The following ZNF697 variants were observed in gnomAD, a reference collection of about 807,000 sequenced individuals.
ZNF697 encodes the protein zinc finger protein 697.
A neutral mutation model predicts 32.4 loss-of-function variants in ZNF697; 23 were observed. That is an observed-to-expected ratio of 0.71 (90% confidence interval 0.51 to 1.01). The LOEUF (loss-of-function observed/expected upper bound fraction) is 1.01. ZNF697 is among the 50% of genes least tolerant of loss of function. The probability of loss-of-function intolerance (pLI) is 0.00; values close to 1 mark genes in which losing one functional copy is unlikely to be tolerated. For synonymous variants in ZNF697, 418 were observed against 337.2 expected (o/e 1.24, Z -2.62); for missense variants, 930 against 794.0 (o/e 1.17, Z -2.06).
In ZNF697 at chr1:119,619,718, CTT is replaced by C. The variant is rs1228219575; in HGVS notation, c.*2985_*2986del. On this transcript the variant is annotated 3_prime_UTR_variant, in exon 3 of 3. Coordinates refer to ENST00000421812, the MANE Select transcript of ZNF697 (RefSeq NM_001080470.2). ...GTATTTTTTCACATATGTACAGTCT[CTT>C]GATTGTAAAGAGACCACATGGCTCA... is the stretch of plus-strand genomic sequence containing the variant. 1 of 152,644 alleles carries C rather than the reference CTT, an allele frequency of 6.6e-6. No homozygotes were observed. The highest frequency in any genetic ancestry group is 1.5e-5 in the Non-Finnish European group (1 of 68,040). 9.5% of individuals were successfully genotyped at this position (152,644 alleles called of 1,614,324 possible).
Position 119,641,829 on chromosome 1 carries a change from G to A in ZNF697, c.-38+5862C>T, listed in dbSNP as rs368512725. The stretch of plus-strand genomic sequence containing the variant: ...GAAGGACATGTTTGCTTCACCTTCT[G>A]CCATGATTGTAAGTTTCCCAAGGCC... On this transcript the variant is annotated intron_variant, in intron 1 of 2. Coordinates refer to ENST00000421812, the MANE Select transcript of ZNF697 (RefSeq NM_001080470.2). 1.4e-4 allele frequency among the ~76,000 whole-genome samples: 22 copies of A among 152,264 alleles called. 1 individual carries two copies. In the South Asian group the frequency reaches 4.4e-3, roughly 30 times the overall value.
Position 119,621,811 on chromosome 1 carries a change from G to T in ZNF697, c.*894C>A, listed in dbSNP as rs925839895. 2.6e-5 allele frequency: 4 copies of T among 152,320 alleles called. No homozygotes were observed. The highest frequency in any genetic ancestry group is 2.6e-4 in the Admixed American group (4 of 15,302). 9.4% of individuals were successfully genotyped at this position (152,320 alleles called of 1,614,324 possible). On this transcript the variant is annotated 3_prime_UTR_variant, in exon 3 of 3. Coordinates refer to ENST00000421812, the MANE Select transcript of ZNF697 (RefSeq NM_001080470.2). ...GTTCACTTGAAACACCTACATCAAG[G>T]TGAGGTGGGAAAAGGAAAGTCACAC...
rs781398362 is a variant in ZNF697 at position 119,625,883 on chromosome 1, A to T, written c.218T>A (p.Ile73Asn). The T allele has an allele frequency of 1.9e-6, 3 of 1,613,580 alleles. No individual in the cohort carries two copies. The South Asian group carries it at 3.3e-5, about 18-fold the overall frequency. Residue 73 changes from isoleucine (I) to asparagine (N), a missense_variant, in exon 2 of 3, where the codon ATC becomes AAC. Transcript: ENST00000421812. ...DSRHREAVPDICTEGQLSEEE... is the reference protein window; with the variant it reads ...DSRHREAVPDNCTEGQLSEEE... ...CCCAGCTTTCTCCTCACCTGTGCAG[A>T]TGTCGGGCACTGCTTCCCTGTGCCT...
Position 119,623,980 on chromosome 1 carries a change from G to A in ZNF697, c.363C>T (p.Asp121=), listed in dbSNP as rs769097964. 3.1e-6 allele frequency: 5 copies of A among 1,610,782 alleles called. No homozygotes were observed. The highest frequency in any genetic ancestry group is 2.2e-5 in the East Asian group (1 of 44,770). The change falls in exon 3 of 3, where the codon GAC becomes GAT. Residue 121 remains aspartate (D), a synonymous_variant. Transcript: ENST00000421812. ...CCAGCCGGTTCTCCCCAGCACTCTCGTCGTCGTCCTCCCGGAGGCTCCGGG... is the reference window on the plus strand; with the variant it reads ...CCAGCCGGTTCTCCCCAGCACTCTCATCGTCGTCCTCCCGGAGGCTCCGGG... ...SISRSLREDD[D]ESAGENRLEE...
intron 1 of ZNF697, among the ~76,000 whole-genome samples, chr1:119,631,298 A>G (rs373264018): frequency 7.9e-5 from 12 of 152,190 alleles, no homozygotes; most frequent in African/African-American, 1.4e-4. Flanking sequence ...GCACCTTCCT[A>G]TGCACTGCAG....
chr1:119,647,413 G>C (rs111599083), intron 1 of ZNF697, among the ~76,000 whole-genome samples: 2 of 152,304 alleles, frequency 1.3e-5, no homozygotes, highest in African/African-American at 2.4e-5. Context: ...TGGGCTGCGA[G>C]CTGCTGCCCA....
chr1:119,637,257 T>A (rs1648947854), intron 1 of ZNF697, among the ~76,000 whole-genome samples: 1 of 152,228 alleles, frequency 6.6e-6, no homozygotes, highest in Non-Finnish European at 1.5e-5. Flanking sequence ...TAGTTCATAT[T>A]AACTGCACCA....
Position 119,623,586 on chromosome 1 carries a change from C to G in ZNF697, c.757G>C (p.Ala253Pro), listed in dbSNP as rs1570936064. 3 of 1,440,030 alleles carry G rather than the reference C, an allele frequency of 2.1e-6. No homozygotes were observed. Among genetic ancestry groups the G allele is most frequent in the East Asian group, 2.8e-5 (1 of 35,958 alleles). The allele number at this position is 1,440,030 out of a possible 1,614,324, so 89.2% of individuals were successfully genotyped here. A position where few individuals can be genotyped will look rare whatever the true frequency, so the allele number is the denominator to read the frequency against. ...AGGFGAGPPL[A>P]RPPREKPFRC... ...AAGGGCTTTTCGCGCGGGGGCCGGGCCAGCGGGGGCCCGGCCCCGAAGCCC... is the reference window on the plus strand; with the variant it reads ...AAGGGCTTTTCGCGCGGGGGCCGGGGCAGCGGGGGCCCGGCCCCGAAGCCC... The change falls in exon 3 of 3, where the codon GCC (alanine) becomes CCC (proline). Residue 253 changes from alanine to proline, a missense_variant. Physicochemically the swap from Ala to Pro is conservative, Grantham distance 27. Transcript: ENST00000421812.
chr1:119,633,258 C>A (rs1322687206), intron 1 of ZNF697, among the ~76,000 whole-genome samples: 3 of 152,070 alleles, frequency 2.0e-5, no homozygotes, highest in South Asian at 4.1e-4. Context: ...TAAAACACAT[C>A]TTCAAAAAAT....
Position 119,621,369 on chromosome 1 carries a change from C to T in ZNF697, c.*1336G>A, listed in dbSNP as rs2101074386. On this transcript the variant is annotated 3_prime_UTR_variant, in exon 3 of 3. Coordinates refer to ENST00000421812, the MANE Select transcript of ZNF697 (RefSeq NM_001080470.2). ...GACAGCGGTCATAATACTGATCTAA[C>T]TCACAATGATGTGAGAAACAGCTAA... 1 of 152,752 alleles carries T rather than the reference C, an allele frequency of 6.5e-6. No homozygotes were observed. Among genetic ancestry groups the T allele is most frequent in the South Asian group, 2.1e-4 (1 of 4,830 alleles). 9.5% of individuals were successfully genotyped at this position (152,752 alleles called of 1,614,324 possible).
At position 119,619,777 on chromosome 1, in the gene ZNF697, T is replaced by C. The variant is rs1648250739; in HGVS notation, c.*2928A>G. 6.6e-6 allele frequency: 1 copy of C among 152,604 alleles called. No homozygotes were observed. The highest frequency in any genetic ancestry group is 1.5e-5 in the Non-Finnish European group (1 of 68,038). 9.5% of individuals were successfully genotyped at this position (152,604 alleles called of 1,614,324 possible). On this transcript the variant is annotated 3_prime_UTR_variant, in exon 3 of 3. Coordinates refer to ENST00000421812, the MANE Select transcript of ZNF697 (RefSeq NM_001080470.2). ...TAACTTCTCATTTTCTCCTTCCAAC[T>C]CGGAGCTCAAGATTTAATCAAAACC... is the stretch of plus-strand genomic sequence containing the variant.
At chr1:119,637,124 A>T (rs1331570758) in intron 1 of ZNF697, among the ~76,000 whole-genome samples, 1 of 152,214 alleles carries the variant, frequency 6.6e-6, no homozygotes, top group Non-Finnish European at 1.5e-5. Flanking sequence ...AAAGTCATCA[A>T]CTCTTTCCTA....
chr1:119,639,919 C>G (rs949243196), intron 1 of ZNF697, among the ~76,000 whole-genome samples: 1 of 152,148 alleles, frequency 6.6e-6, no homozygotes, highest in Non-Finnish European at 1.5e-5. Flanking sequence ...TCCAGTCTAG[C>G]TGTTAGCCTT....
intron 1 of ZNF697, among the ~76,000 whole-genome samples, chr1:119,631,213 G>A (rs890717213): frequency 1.2e-4 from 18 of 152,234 alleles, no homozygotes; most frequent in African/African-American, 3.9e-4. Context: ...AGCCTTCTGC[G>A]CGGACCCCAA....
Position 119,622,639 on chromosome 1 carries a change from G to T in ZNF697, c.*66C>A, listed in dbSNP as rs587756906. 2.1e-6 allele frequency: 3 copies of T among 1,440,802 alleles called. No homozygotes were observed. The East Asian group carries it at 7.5e-5, about 36-fold the overall frequency. The allele number at this position is 1,440,802 out of a possible 1,614,324, so 89.3% of individuals were successfully genotyped here. A position where few individuals can be genotyped will look rare whatever the true frequency, so the allele number is the denominator to read the frequency against. On this transcript the variant is annotated 3_prime_UTR_variant, in exon 3 of 3. Transcript: ENST00000421812. The stretch of plus-strand genomic sequence containing the variant: ...CGCCCCTTCCCCACTTCCTTCCCCT[G>T]GGTCAGTCCCAGGATATCTACCCCC...
intron 1 of ZNF697, among the ~76,000 whole-genome samples, chr1:119,628,380 T>C (rs1648661506): frequency 1.3e-5 from 2 of 152,158 alleles, no homozygotes; most frequent in Admixed American, 6.5e-5. Context: ...TTGTGATTTA[T>C]TGGGAACCGA....
rs1344038110 is a variant in ZNF697, at chr1:119,623,393, T to TAGGG, written c.946_949dup (p.Tyr317SerfsTer119). 1 of 1,509,068 alleles carries TAGGG rather than the reference T, an allele frequency of 6.6e-7. No individual in the cohort carries two copies. Among genetic ancestry groups the TAGGG allele is most frequent in the Non-Finnish European group, 8.8e-7 (1 of 1,130,624 alleles). The allele number at this position is 1,509,068 out of a possible 1,614,324, so 93.5% of individuals were successfully genotyped here. ...GGCCTCGCCGCACTCGGGGCACGGG[T>TAGGG]AGGGCTTCTCGCCCGTGTGCAGGCG... On this transcript the variant is annotated frameshift_variant, in exon 3 of 3. Coordinates refer to ENST00000421812, the MANE Select transcript of ZNF697 (RefSeq NM_001080470.2). LOFTEE classifies it high-confidence loss of function.
chr1:119,639,136 G>T (rs1377085287), intron 1 of ZNF697, among the ~76,000 whole-genome samples: 1 of 152,138 alleles, frequency 6.6e-6, no homozygotes, highest in Non-Finnish European at 1.5e-5. Flanking sequence ...GTCCATTTCT[G>T]TTAAAGCCGT....
intron 1 of ZNF697, among the ~76,000 whole-genome samples, chr1:119,645,724 T>C (rs766484143): frequency 1.3e-5 from 2 of 152,150 alleles, no homozygotes; most frequent in Admixed American, 6.5e-5. Context: ...TTGTTGATTA[T>C]ATTAACTCTA....
Sources: allele counts gnomAD v4.1 joint callset (sites outside exome capture counted in the v4.1 genomes callset), GRCh38; gene constraint gnomAD v4.1.1; transcripts MANE v1.5; gene names NCBI Gene and HGNC (gene_info 2026-07-23, HGNC 2026-07-21).